SEPHS1: variants seen among roughly 807,000 people sequenced by gnomAD.
SEPHS1 encodes zincore component SEPHS1.
SEPHS1 carries 7 observed loss-of-function variants against 39.2 expected under a neutral mutation model. The ratio of observed to expected loss-of-function variants is 0.18; its 90% CI spans 0.10 to 0.34. The LOEUF is 0.34. Ranked by LOEUF, SEPHS1 falls within the 10% of genes least tolerant of loss-of-function variation. The probability of loss-of-function intolerance (pLI) is 1.00; values close to 1 mark genes in which losing one functional copy is unlikely to be tolerated. For synonymous variants in SEPHS1, 190 were observed against 195.5 expected, an observed-to-expected ratio of 0.97 and a Z score of 0.23; for missense variants, 253 against 514.5, an observed-to-expected ratio of 0.49 and a Z score of 4.92.
chr10:13,339,885 A>C (rs1445727686), intron 2 of SEPHS1, among the ~76,000 whole-genome samples: 2 of 152,194 alleles, frequency 1.3e-5, no homozygotes, highest in African/African-American at 4.8e-5. Context: ...CTTTCCCTGC[A>C]TATTTTCAGT....
At chr10:13,330,827 C>CT (rs976524461) in intron 5 of SEPHS1, among the ~76,000 whole-genome samples, 17 of 148,780 alleles carry the variant, frequency 1.1e-4, no homozygotes, top group African/African-American at 3.2e-4. Flanking sequence ...AGTTGATGTT[C>CT]TTTTTTTTTA....
chr10:13,336,044 C>T (rs551558364), intron 4 of SEPHS1, among the ~76,000 whole-genome samples, 199 bp downstream of exon 4: 9 of 150,106 alleles, frequency 6.0e-5, no homozygotes, highest in African/African-American at 4.9e-5. Context: ...GAGCAGGTGG[C>T]AGAAGTGCAG....
Position 13,319,302 on chromosome 10 carries a change from A to G in SEPHS1, c.1019T>C (p.Ile340Thr), listed in dbSNP as rs755779249. Residue 340 changes from isoleucine to threonine, a missense_variant, in exon 9 of 9, where the codon ATA becomes ACA. Around this residue, in one of 4 missense-constraint regions of SEPHS1, gnomAD observed 107 missense variants for 257.1 expected, o/e 0.42. Transcript: ENST00000327347. ...REQAARFCAE[I>T]KSPKYGEGHQ... ...GCCTTCACCATATTTGGGGGACTTT[A>G]TCTCTGCACAGAACCGAGCTGCTTG... 6.2e-7 allele frequency: 1 copy of G among 1,613,848 alleles called. No homozygotes were observed. The highest frequency in any genetic ancestry group is 1.1e-5 in the South Asian group (1 of 91,008).
At chr10:13,335,717 C>T (rs10906352) in intron 4 of SEPHS1, among the ~76,000 whole-genome samples, 61,860 of 149,190 alleles carry the variant, frequency 0.41, 14,318 homozygotes, top group East Asian at 0.7. Flanking sequence ...CGGTGTTTCA[C>T]GCCTGCAATC....
At chr10:13,341,800 T>C (rs1240440878) in intron 2 of SEPHS1, among the ~76,000 whole-genome samples, 1 of 149,494 alleles carries the variant, frequency 6.7e-6, no homozygotes, top group Non-Finnish European at 1.5e-5. Flanking sequence ...CTATTAAAAA[T>C]ACAAAAAAAT....
At chr10:13,322,520 C>A (rs1413918830) in intron 8 of SEPHS1, among the ~76,000 whole-genome samples, 1 of 152,144 alleles carries the variant, frequency 6.6e-6, no homozygotes, top group South Asian at 2.1e-4. Context: ...TCAAAGTAAC[C>A]TAGGGGTATT....
chr10:13,341,668 A>T (rs1833789399), intron 2 of SEPHS1, among the ~76,000 whole-genome samples: 1 of 152,246 alleles, frequency 6.6e-6, no homozygotes, highest in South Asian at 2.1e-4. Flanking sequence ...AGTTAAAAAC[A>T]TAAACAGGCC....
intron 3 of SEPHS1, among the ~76,000 whole-genome samples, chr10:13,338,035 G>A (rs1039510449): frequency 6.6e-6 from 1 of 152,070 alleles, no homozygotes; most frequent in Non-Finnish European, 1.5e-5. Flanking sequence ...TAGCAAATTG[G>A]GGTTAAAGGT....
intron 2 of SEPHS1, among the ~76,000 whole-genome samples, chr10:13,340,299 G>C (rs1833748161): frequency 6.6e-6 from 1 of 151,932 alleles, no homozygotes; most frequent in Non-Finnish European, 1.5e-5. Context: ...CTTGCTGGAA[G>C]ACCTCGCTTA....
At position 13,319,069 on chromosome 10, in the gene SEPHS1, A is replaced by G. The variant is rs1284901577; in HGVS notation, c.*73T>C. ...AGACACAATGAGATTTTTGTTGTTTATAGTCTTTAATTGAAGTGATAAGGG... is the reference window on the plus strand; with the variant it reads ...AGACACAATGAGATTTTTGTTGTTTGTAGTCTTTAATTGAAGTGATAAGGG... On this transcript the variant is annotated 3_prime_UTR_variant, in exon 9 of 9. Transcript: ENST00000327347. 6.8e-7 allele frequency: 1 copy of G among 1,463,032 alleles called. No individual in the cohort carries two copies. The highest frequency in any genetic ancestry group is 1.4e-5 in the African/African-American group (1 of 71,030). 90.6% of individuals were successfully genotyped at this position (1,463,032 alleles called of 1,614,324 possible). A position where few individuals can be genotyped will look rare whatever the true frequency, so the allele number is the denominator to read the frequency against.
rs1833160676 is a variant in SEPHS1 at position 13,323,032 on chromosome 10, T to C, written c.767A>G (p.His256Arg). Residue 256 changes from histidine (H) to arginine (R), a missense_variant, in exon 8 of 9, where the codon CAC becomes CGC. Physicochemically the swap from His to Arg is conservative, Grantham distance 29 (BLOSUM62 0). Around this residue, in one of 4 missense-constraint regions of SEPHS1, gnomAD observed 107 missense variants for 257.1 expected, o/e 0.42. Transcript: ENST00000327347. ...AGTGGCGGCGTGGGCATTGAACGTG[T>C]GCATGAGTCCTGCAGCTGGGAGAGA... is the stretch of plus-strand genomic sequence containing the variant. The part of the protein sequence containing the change: ...RLNRTAAGLM[H>R]TFNAHAATDI... The C allele has an allele frequency of 6.2e-7, 1 of 1,614,042 alleles. No homozygotes were observed.
intron 4 of SEPHS1, among the ~76,000 whole-genome samples, chr10:13,335,436 T>C (rs1833597944): frequency 6.6e-6 from 1 of 151,756 alleles, no homozygotes; most frequent in African/African-American, 2.4e-5. Flanking sequence ...GAGGCCGAAG[T>C]GGGTGGATCA....
intron 3 of SEPHS1, among the ~76,000 whole-genome samples, chr10:13,338,160 T>G (rs904572504): frequency 1.3e-5 from 2 of 152,206 alleles, no homozygotes; most frequent in African/African-American, 4.8e-5. Flanking sequence ...AAACCTACTA[T>G]GTACAGCGGC....
chr10:13,322,936 A>C lies in SEPHS1; in HGVS notation c.863T>G (p.Phe288Cys), dbSNP rs1833157486. The C allele has an allele frequency of 6.2e-7, 1 of 1,613,978 alleles. No individual in the cohort carries two copies. The highest frequency in any genetic ancestry group is 8.5e-7 in the Non-Finnish European group (1 of 1,179,904). Residue 288 changes from phenylalanine to cysteine, a missense_variant, in exon 8 of 9, where the codon TTT (phenylalanine) becomes TGT (cysteine). Transcript: ENST00000327347. The part of the protein sequence containing the change: ...LAKQQRNEVS[F>C]VIHNLPVLAK... ...CAGCACCGGGAGGTTGTGAATTACA[A>C]ACGACACCTCGTTCCTCTGCTGCTT...
At chr10:13,332,898 C>A (rs1833513812) in intron 5 of SEPHS1, among the ~76,000 whole-genome samples, 1 of 151,520 alleles carries the variant, frequency 6.6e-6, no homozygotes, top group African/African-American at 2.4e-5. Flanking sequence ...AAAATACTGA[C>A]ACATGCTACA....
chr10:13,333,527 A>C (rs1833531060), intron 5 of SEPHS1, among the ~76,000 whole-genome samples: 2 of 144,926 alleles, frequency 1.4e-5, no homozygotes, highest in South Asian at 2.2e-4. Context: ...TGCAACCTCC[A>C]CCCCTGGGGT....
At chr10:13,340,313 A>C (rs1251561782) in intron 2 of SEPHS1, among the ~76,000 whole-genome samples, 1 of 151,890 alleles carries the variant, frequency 6.6e-6, no homozygotes, top group Non-Finnish European at 1.5e-5. Context: ...TCGCTTAGGG[A>C]ATGGAGAAGT....
intron 1 of SEPHS1, among the ~76,000 whole-genome samples, chr10:13,347,032 T>C (rs560469821): frequency 6.6e-6 from 1 of 152,142 alleles, no homozygotes; most frequent in African/African-American, 2.4e-5. Flanking sequence ...CTGGGGGAAA[T>C]GTGCAGTGAT....
intron 2 of SEPHS1, among the ~76,000 whole-genome samples, chr10:13,343,020 C>T (rs1395746064): frequency 6.6e-6 from 1 of 152,114 alleles, no homozygotes; most frequent in Non-Finnish European, 1.5e-5. Flanking sequence ...CAGGTGTGAG[C>T]CACCGCACCC....
Sources: gnomAD v4.1 joint callset for allele counts (sites outside exome capture counted in the v4.1 genomes callset) on GRCh38, gnomAD v4.1.1 for gene constraint, gnomAD v4.1.1 regional missense constraint, MANE v1.5 for transcripts, NCBI Gene and HGNC (gene_info 2026-07-23, HGNC 2026-07-21) for gene names.